Variants in HACE1 observed in about 807,000 individuals in gnomAD.
The protein encoded by HACE1 is HECT domain and ankyrin repeat containing E3 ubiquitin protein ligase 1, also known as E3 ubiquitin-protein ligase HACE1.
In HACE1, 73 loss-of-function variants were observed where a neutral mutation model predicts 118.4. The ratio of observed to expected loss-of-function variants is 0.62; its 90% CI spans 0.51 to 0.75. The LOEUF (loss-of-function observed/expected upper bound fraction) is 0.75. Among genes scored for constraint, HACE1 ranks in the 30% least tolerant of loss-of-function variants. HACE1 has a pLI of 0.00. For missense variants in HACE1, 749 were observed against 1,102.2 expected (o/e 0.68, Z 4.54); for synonymous variants, 368 against 374.8 (o/e 0.98, Z 0.21).
chr6:104,782,717 C>T (rs1395461735), intron 14 of HACE1, among the ~76,000 whole-genome samples: 4 of 152,244 alleles, frequency 2.6e-5, no homozygotes, highest in African/African-American at 9.6e-5. Flanking sequence ...TTATTACTGC[C>T]TTCTCTTTCA....
chr6:104,804,494 A>G (rs937961293), intron 7 of HACE1, among the ~76,000 whole-genome samples: 1 of 152,214 alleles, frequency 6.6e-6, no homozygotes, highest in African/African-American at 2.4e-5. Flanking sequence ...CCAAAACAGC[A>G]TGGTACTGGT....
At chr6:104,847,699 T>C (rs1775792731) in intron 4 of HACE1, among the ~76,000 whole-genome samples, 1 of 152,080 alleles carries the variant, frequency 6.6e-6, no homozygotes, top group Non-Finnish European at 1.5e-5. Context: ...GGCAGCCAAC[T>C]CAAATATCTA....
At chr6:104,757,687 A>C (rs9391239) in intron 19 of HACE1, among the ~76,000 whole-genome samples, 37,105 of 152,144 alleles carry the variant, frequency 0.24, 4,876 homozygotes, top group African/African-American at 0.34. Context: ...AACTGGATGG[A>C]GAATGAGTTT....
At chr6:104,832,273 ATTTAAAAATTTAGT>A (rs1774074072) in intron 6 of HACE1, among the ~76,000 whole-genome samples, 2 of 152,236 alleles carry the variant, frequency 1.3e-5, no homozygotes, top group Non-Finnish European at 2.9e-5. Context: ...AATATACTAC[ATTTAAAAATTTAGT>A]ATGTTTGGCT....
At chr6:104,845,559 GCTC>G (rs1352522342) in intron 4 of HACE1, among the ~76,000 whole-genome samples, 1 of 145,574 alleles carries the variant, frequency 6.9e-6, no homozygotes, top group African/African-American at 2.5e-5. Context: ...CTCACTGCAA[GCTC>G]CTCCTCCCAG....
chr6:104,784,952 G>A, intron 12 of HACE1, 33 bp downstream of exon 12: 4 of 1,249,940 alleles, frequency 3.2e-6, no homozygotes, highest in Admixed American at 1.8e-5. Flanking sequence ...ATCTATCAGA[G>A]AAAAAAAAAA....
intron 6 of HACE1, among the ~76,000 whole-genome samples, chr6:104,831,992 A>AAGAGAAGAG (rs1562471497): frequency 5.4e-4 from 60 of 110,106 alleles, no homozygotes; most frequent in East Asian, 2.8e-3. Flanking sequence ...GGAAGGAAGG[A>AAGAGAAGAG]AGGAAGGAAG....
chr6:104,780,681 A>G (rs950904032), intron 14 of HACE1, among the ~76,000 whole-genome samples: 5 of 152,174 alleles, frequency 3.3e-5, no homozygotes, highest in Non-Finnish European at 5.9e-5. Flanking sequence ...ATTTTCCTCT[A>G]TAACTAGATA....
At chr6:104,766,137 C>A (rs544178227) in intron 19 of HACE1, among the ~76,000 whole-genome samples, 2 of 152,174 alleles carry the variant, frequency 1.3e-5, no homozygotes, top group African/African-American at 4.8e-5. Flanking sequence ...AAATGCACAT[C>A]GGCCTTGGCC....
intron 22 of HACE1, among the ~76,000 whole-genome samples, chr6:104,741,529 G>A (rs1776687392): frequency 8.6e-6 from 1 of 116,200 alleles, no homozygotes; most frequent in Admixed American, 9.0e-5. Context: ...GACAAACAGA[G>A]AGCCAAATCA....
At chr6:104,780,501 G>T in intron 14 of HACE1, 1 of 312,716 alleles carries the variant, frequency 3.2e-6, no homozygotes, top group Non-Finnish European at 6.2e-6. Flanking sequence ...CTTAGCAGAG[G>T]TAGTTGTTCT....
intron 7 of HACE1, among the ~76,000 whole-genome samples, chr6:104,800,258 C>T (rs936593561): frequency 6.6e-6 from 1 of 152,136 alleles, no homozygotes; most frequent in African/African-American, 2.4e-5. Flanking sequence ...GGCCTACTGC[C>T]TCCATAGACT....
chr6:104,810,355 C>T (rs1243821699), intron 7 of HACE1, among the ~76,000 whole-genome samples: 18 of 151,500 alleles, frequency 1.2e-4, no homozygotes, highest in Admixed American at 1.2e-3. Context: ...CAACAAGAAG[C>T]TAAACAAGAA....
intron 7 of HACE1, among the ~76,000 whole-genome samples, chr6:104,804,203 C>G (rs1313124717): frequency 1.3e-5 from 2 of 152,024 alleles, no homozygotes; most frequent in Non-Finnish European, 2.9e-5. Flanking sequence ...CACTGCTCAA[C>G]CAAATAAAAG....
At chr6:104,846,446 T>G (rs1775678538) in intron 4 of HACE1, among the ~76,000 whole-genome samples, 1 of 152,166 alleles carries the variant, frequency 6.6e-6, no homozygotes, top group Non-Finnish European at 1.5e-5. Flanking sequence ...GCAACTATAT[T>G]CCTGCTCAGA....
intron 12 of HACE1, 151 bp downstream of exon 12, chr6:104,784,834 C>T: frequency 1.6e-6 from 1 of 640,360 alleles, no homozygotes; most frequent in Non-Finnish European, 2.7e-6. Context: ...TAAATATTCC[C>T]TACTAGATCT....
At chr6:104,850,879 GT>G in intron 3 of HACE1, 27 bp downstream of exon 3, 1 of 1,353,448 alleles carries the variant, frequency 7.4e-7, no homozygotes, top group Non-Finnish European at 1.1e-6. Context: ...CTAGATCAGA[GT>G]TTAACTCAAA....
chr6:104,792,996 T>C (rs962101209), intron 10 of HACE1, among the ~76,000 whole-genome samples: 3 of 152,102 alleles, frequency 2.0e-5, no homozygotes, highest in Middle Eastern at 3.2e-3. Context: ...TTGCCGGGCG[T>C]GGTGGCTCAC....
intron 6 of HACE1, among the ~76,000 whole-genome samples, chr6:104,813,022 C>T (rs893747792): frequency 1.1e-5 from 1 of 89,320 alleles, no homozygotes; most frequent in African/African-American, 5.5e-5. Flanking sequence ...GAGGAGCCAT[C>T]GTGAAAACAA....
Sources: allele counts gnomAD v4.1 joint callset (sites outside exome capture counted in the v4.1 genomes callset), GRCh38; gene constraint gnomAD v4.1.1; transcripts MANE v1.5; gene names NCBI Gene and HGNC (gene_info 2026-07-23, HGNC 2026-07-21).